Variants in DIAPH2 observed in about 807,000 individuals in gnomAD.
DIAPH2 encodes the protein diaphanous related formin 2, also known as protein diaphanous homolog 2.
Under a neutral mutation model 92.7 loss-of-function variants are expected in DIAPH2, and 35 were observed. The observed-to-expected ratio is 0.38, with a 90% confidence interval of 0.29 to 0.50. The LOEUF (loss-of-function observed/expected upper bound fraction) is 0.50. DIAPH2 is among the 20% of genes least tolerant of loss of function. The pLI is 0.94. For missense variants in DIAPH2, 701 were observed against 819.5 expected, an observed-to-expected ratio of 0.86 and a Z score of 1.77; for synonymous variants, 301 against 280.4, an observed-to-expected ratio of 1.07 and a Z score of -0.73.
At chrX:97,016,108 C>T (rs763800356) in intron 17 of DIAPH2, among the ~76,000 whole-genome samples, 7 of 112,212 alleles carry the variant, frequency 6.2e-5, no homozygotes, top group Non-Finnish European at 1.1e-4. Context: ...AAATCACAAA[C>T]TGTCAATATG....
intron 26 of DIAPH2, among the ~76,000 whole-genome samples, chrX:97,553,552 A>G (rs1306708392): frequency 1.8e-5 from 2 of 110,841 alleles, no homozygotes; most frequent in African/African-American, 6.6e-5. Context: ...AGGGAAAAGT[A>G]TTCAAGTCCA....
At chrX:96,914,852 A>G (rs1176936945) in intron 7 of DIAPH2, among the ~76,000 whole-genome samples, 1 of 111,738 alleles carries the variant, frequency 8.9e-6, no homozygotes, top group African/African-American at 3.2e-5. Flanking sequence ...AATTATAGAC[A>G]TGTGAAACAA....
chrX:97,128,049 C>G (rs1156327347), intron 21 of DIAPH2, among the ~76,000 whole-genome samples: 1 of 110,881 alleles, frequency 9.0e-6, no homozygotes. Flanking sequence ...GTTCTTGGAT[C>G]TCGCACAAGA....
At chrX:97,399,682 A>T (rs1419389451) in intron 25 of DIAPH2, among the ~76,000 whole-genome samples, 1 of 112,040 alleles carries the variant, frequency 8.9e-6, no homozygotes, top group Non-Finnish European at 1.9e-5. Flanking sequence ...TTCAGTTTCT[A>T]TTTGAAAGGC....
At chrX:97,041,807 T>A (rs1199997471) in intron 17 of DIAPH2, among the ~76,000 whole-genome samples, 1 of 111,700 alleles carries the variant, frequency 9.0e-6, no homozygotes, top group East Asian at 2.8e-4. Context: ...TTCATCTTTC[T>A]TTCTGGTTCT....
At chrX:97,167,071 G>A (rs899719264) in intron 22 of DIAPH2, among the ~76,000 whole-genome samples, 1 of 111,756 alleles carries the variant, frequency 8.9e-6, no homozygotes, top group African/African-American at 3.2e-5. Context: ...TTCATTGGAT[G>A]ACTATACCAC....
At chrX:97,042,457 G>T in intron 17 of DIAPH2, among the ~76,000 whole-genome samples, 2 of 111,746 alleles carry the variant, frequency 1.8e-5, no homozygotes, top group African/African-American at 6.5e-5. Context: ...AAATAGATGA[G>T]TCACTCATTG....
At chrX:97,436,041 G>A (rs950374666) in intron 26 of DIAPH2, among the ~76,000 whole-genome samples, 2 of 110,753 alleles carry the variant, frequency 1.8e-5, no homozygotes, top group Admixed American at 1.9e-4. Context: ...TCCTGACCTC[G>A]TGATCCACCC....
chrX:97,393,573 T>C (rs1222246647), intron 25 of DIAPH2, among the ~76,000 whole-genome samples: 1 of 111,872 alleles, frequency 8.9e-6, no homozygotes, highest in Non-Finnish European at 1.9e-5. Flanking sequence ...GTAAAGTACT[T>C]GGTCTAATCT....
intron 3 of DIAPH2, among the ~76,000 whole-genome samples, chrX:96,743,740 C>T (rs2064133294): frequency 9.0e-6 from 1 of 110,979 alleles, no homozygotes; most frequent in Non-Finnish European, 1.9e-5. Flanking sequence ...TCAAAGGATA[C>T]AAAATTTCAG....
chrX:97,373,277 G>C (rs189379801), intron 24 of DIAPH2, among the ~76,000 whole-genome samples: 306 of 110,492 alleles, frequency 2.8e-3, no homozygotes, highest in African/African-American at 9.7e-3. Flanking sequence ...CCATTCGAAA[G>C]TGGATGTTTT....
At chrX:97,562,056 T>C (rs1212971050) in intron 26 of DIAPH2, among the ~76,000 whole-genome samples, 1 of 112,022 alleles carries the variant, frequency 8.9e-6, no homozygotes, top group Non-Finnish European at 1.9e-5. Flanking sequence ...CCAATTATGA[T>C]AAAACTGTAT....
At chrX:97,537,601 C>T (rs987515120) in intron 26 of DIAPH2, among the ~76,000 whole-genome samples, 2 of 111,107 alleles carry the variant, frequency 1.8e-5, no homozygotes, top group Non-Finnish European at 3.8e-5. Flanking sequence ...GATGGGATGT[C>T]CCCTCTGAGA....
intron 21 of DIAPH2, among the ~76,000 whole-genome samples, chrX:97,119,681 G>A (rs184059115): frequency 9.0e-6 from 1 of 111,554 alleles, no homozygotes; most frequent in African/African-American, 3.3e-5. Flanking sequence ...GGTGGGGCAG[G>A]TCTAGGCATG....
intron 25 of DIAPH2, among the ~76,000 whole-genome samples, chrX:97,384,632 C>G (rs112608818): frequency 9.0e-6 from 1 of 110,809 alleles, no homozygotes; most frequent in Admixed American, 9.7e-5. Context: ...TTTGGGAGAC[C>G]GAGGCGGGAG....
chrX:96,823,184 C>T (rs1196323919), intron 4 of DIAPH2, among the ~76,000 whole-genome samples: 1 of 111,177 alleles, frequency 9.0e-6, no homozygotes, highest in Non-Finnish European at 1.9e-5. Flanking sequence ...GGCAGTTTAG[C>T]AGAATGAAAC....
At chrX:97,589,095 C>T (rs1390443763) in intron 26 of DIAPH2, among the ~76,000 whole-genome samples, 1 of 91,135 alleles carries the variant, frequency 1.1e-5, no homozygotes, top group East Asian at 3.7e-4. Flanking sequence ...AGGTGGGTGG[C>T]TCACCTGAGG....
At chrX:96,728,595 G>A (rs1188286069) in intron 1 of DIAPH2, among the ~76,000 whole-genome samples, 1 of 111,798 alleles carries the variant, frequency 8.9e-6, no homozygotes, top group Non-Finnish European at 1.9e-5. Context: ...TAAAGTGTTG[G>A]GTATAAAATG....
At chrX:96,855,881 C>A (rs12686883) in intron 4 of DIAPH2, among the ~76,000 whole-genome samples, 31,735 of 110,304 alleles carry the variant, frequency 0.29, 3,292 homozygotes, top group Admixed American at 0.37. Context: ...TTTATAACAA[C>A]ATGGAAATAA....
Sources: gnomAD v4.1 joint callset for allele counts (sites outside exome capture counted in the v4.1 genomes callset) on GRCh38, gnomAD v4.1.1 for gene constraint, MANE v1.5 for transcripts, NCBI Gene and HGNC (gene_info 2026-07-23, HGNC 2026-07-21) for gene names.